Variants in KCNIP4 observed in about 807,000 individuals in gnomAD.
KCNIP4 encodes Kv channel-interacting protein 4.
KCNIP4 carries 12 observed loss-of-function variants against 34.0 expected under a neutral mutation model. The observed-to-expected ratio is 0.35, with a 90% CI of 0.23 to 0.57. The LOEUF (loss-of-function observed/expected upper bound fraction) is 0.57. Among genes scored for constraint, KCNIP4 ranks in the 20% least tolerant of loss-of-function variants. KCNIP4 has a pLI of 0.83. For missense variants in KCNIP4, 238 were observed against 311.7 expected (o/e 0.76, Z 1.78); for synonymous variants, 124 against 102.2 (o/e 1.21, Z -1.29).
At chr4:21,755,630 C>G (rs115905361) in intron 1 of KCNIP4, among the ~76,000 whole-genome samples, 2 of 152,098 alleles carry the variant, frequency 1.3e-5, no homozygotes, top group Non-Finnish European at 2.9e-5. Flanking sequence ...GGCACCCATA[C>G]ATTTATTTAG....
At chr4:21,195,578 G>A (rs536565191) in intron 1 of KCNIP4, among the ~76,000 whole-genome samples, 2 of 152,270 alleles carry the variant, frequency 1.3e-5, no homozygotes, top group East Asian at 1.9e-4. Context: ...TTATTGATTG[G>A]ACATGTGGTA....
At chr4:21,159,186 G>A (rs939734669) in intron 1 of KCNIP4, among the ~76,000 whole-genome samples, 3 of 152,038 alleles carry the variant, frequency 2.0e-5, no homozygotes, top group Non-Finnish European at 4.4e-5. Flanking sequence ...AAAGTTGGAG[G>A]AATAACAGTG....
At chr4:21,654,719 C>G (rs1052629722) in intron 1 of KCNIP4, among the ~76,000 whole-genome samples, 1 of 151,948 alleles carries the variant, frequency 6.6e-6, no homozygotes, top group Non-Finnish European at 1.5e-5. Context: ...GTCAGGAGAT[C>G]GAGACCATCC....
chr4:20,876,273 T>A (rs1028098470), intron 2 of KCNIP4, among the ~76,000 whole-genome samples: 1 of 152,152 alleles, frequency 6.6e-6, no homozygotes. Flanking sequence ...ATAATGTCCA[T>A]TGAATGAGTA....
At chr4:21,010,169 G>T (rs1269639141) in intron 1 of KCNIP4, among the ~76,000 whole-genome samples, 1 of 152,130 alleles carries the variant, frequency 6.6e-6, no homozygotes, top group Non-Finnish European at 1.5e-5. Flanking sequence ...GCTGTAGGGG[G>T]TCACAGATGT....
chr4:20,783,089 C>G (rs1030766084), intron 3 of KCNIP4, among the ~76,000 whole-genome samples: 1 of 152,206 alleles, frequency 6.6e-6, no homozygotes, highest in African/African-American at 2.4e-5. Context: ...CACCTTTGCT[C>G]TAGTTCCCAA....
intron 1 of KCNIP4, among the ~76,000 whole-genome samples, chr4:20,970,669 A>G (rs970049818): frequency 2.0e-5 from 3 of 152,196 alleles, no homozygotes; most frequent in African/African-American, 7.2e-5. Flanking sequence ...ACACAACTCA[A>G]AGAATTATCC....
chr4:21,436,907 G>A (rs918263208), intron 1 of KCNIP4, among the ~76,000 whole-genome samples: 3 of 152,154 alleles, frequency 2.0e-5, no homozygotes, highest in African/African-American at 7.2e-5. Context: ...GCAGATAGCA[G>A]GTGCTTAATG....
At chr4:21,283,099 T>C (rs1762883451) in intron 1 of KCNIP4, among the ~76,000 whole-genome samples, 1 of 152,234 alleles carries the variant, frequency 6.6e-6, no homozygotes, top group Non-Finnish European at 1.5e-5. Context: ...CCCCATTTTC[T>C]ATGAATATAT....
At chr4:21,027,194 A>G (rs1302045935) in intron 1 of KCNIP4, among the ~76,000 whole-genome samples, 1 of 152,172 alleles carries the variant, frequency 6.6e-6, no homozygotes, top group Admixed American at 6.5e-5. Context: ...TGAAAGGTTT[A>G]ATCGGGGTCA....
chr4:21,293,168 T>G (rs2109214611), intron 1 of KCNIP4, among the ~76,000 whole-genome samples: 1 of 152,336 alleles, frequency 6.6e-6, no homozygotes, highest in Middle Eastern at 3.4e-3. Flanking sequence ...ACATTGTATC[T>G]AATAATTAAT....
At chr4:21,579,664 T>A (rs1158350784) in intron 1 of KCNIP4, among the ~76,000 whole-genome samples, 1 of 152,188 alleles carries the variant, frequency 6.6e-6, no homozygotes, top group Non-Finnish European at 1.5e-5. Context: ...AAAACCCTTG[T>A]ACTCTACTGA....
chr4:21,708,932 A>G (rs1352431960), intron 1 of KCNIP4, among the ~76,000 whole-genome samples: 1 of 152,182 alleles, frequency 6.6e-6, no homozygotes, highest in East Asian at 1.9e-4. Context: ...TGTGATTTAA[A>G]CTTTCGAATT....
intron 2 of KCNIP4, among the ~76,000 whole-genome samples, chr4:20,853,110 T>C (rs569976679): frequency 6.6e-6 from 1 of 152,310 alleles, no homozygotes; most frequent in African/African-American, 2.4e-5. Context: ...ATGATTATTC[T>C]TCACAGAATT....
intron 1 of KCNIP4, among the ~76,000 whole-genome samples, chr4:21,376,852 C>T (rs1495524): frequency 0.043 from 6,540 of 152,158 alleles, 360 homozygotes; most frequent in African/African-American, 0.12. Context: ...ACAGCAGTGC[C>T]AGAGAATCAG....
intron 1 of KCNIP4, among the ~76,000 whole-genome samples, chr4:21,025,332 C>G (rs777893991): frequency 6.6e-5 from 10 of 151,920 alleles, no homozygotes; most frequent in Admixed American, 2.6e-4. Context: ...GTTAAGAAAC[C>G]TGTGTAAGGA....
chr4:21,798,245 C>A (rs1234952547), intron 1 of KCNIP4, among the ~76,000 whole-genome samples: 3 of 151,424 alleles, frequency 2.0e-5, no homozygotes, highest in Non-Finnish European at 4.4e-5. Context: ...GTATAGTATA[C>A]TCTGAAGATG....
intron 1 of KCNIP4, among the ~76,000 whole-genome samples, chr4:21,305,759 C>T (rs905580025): frequency 3.9e-5 from 6 of 152,202 alleles, no homozygotes; most frequent in African/African-American, 1.4e-4. Context: ...ATTTCTAGGA[C>T]TTTGCTAAAA....
At chr4:21,446,105 A>C (rs1408261203) in intron 1 of KCNIP4, among the ~76,000 whole-genome samples, 1 of 152,140 alleles carries the variant, frequency 6.6e-6, no homozygotes, top group Non-Finnish European at 1.5e-5. Flanking sequence ...AATGGCGATC[A>C]TTAAAACGTC....
Sources: gnomAD v4.1 joint callset for allele counts (sites outside exome capture counted in the v4.1 genomes callset) on GRCh38, gnomAD v4.1.1 for gene constraint, MANE v1.5 for transcripts, NCBI Gene and HGNC (gene_info 2026-07-23, HGNC 2026-07-21) for gene names.